The following CDC42BPB variants were observed in gnomAD, a reference collection of about 807,000 sequenced individuals.
CDC42BPB encodes CDC42 binding protein kinase beta.
In CDC42BPB, 37 loss-of-function variants were observed where a neutral mutation model predicts 214.9. The ratio of observed to expected loss-of-function variants is 0.17; its 90% CI spans 0.13 to 0.23. The LOEUF (loss-of-function observed/expected upper bound fraction) is 0.23, where lower values mean the gene tolerates loss of function less well. Ranked by LOEUF, CDC42BPB falls within the 10% of genes least tolerant of loss-of-function variation. The probability of loss-of-function intolerance (pLI) is 1.00; values close to 1 mark genes in which losing one functional copy is unlikely to be tolerated. For synonymous variants in CDC42BPB, 931 were observed against 884.0 expected (o/e 1.05, Z -0.94); for missense variants, 1,694 against 2,227.0 (o/e 0.76, Z 4.82).
intron 1 of CDC42BPB, among the ~76,000 whole-genome samples, chr14:103,037,092 GACTTTT>G (rs552240916): frequency 0.021 from 2,888 of 138,106 alleles, 32 homozygotes; most frequent in African/African-American, 0.028. Context: ...GGCCATCTCA[GACTTTT>G]AGACTTATCA....
In CDC42BPB at chr14:102,964,180, G is replaced by A. The variant is rs191028920; in HGVS notation, c.2726+322C>T. ...GCACGGAGGTGACTAAGCAGTGAGA[G>A]GGGCTCCTGTCAGACAGCGGTGTGA... On this transcript the variant is annotated intron_variant, in intron 19 of 36. Coordinates refer to ENST00000361246, the MANE Select transcript of CDC42BPB (RefSeq NM_006035.4). Among the ~76,000 whole-genome samples the A allele has an allele frequency of 2.7e-4, 41 of 152,360 alleles. 1 individual carries two copies. The East Asian group carries it at 7.5e-3, about 28-fold the overall frequency.
intron 19 of CDC42BPB, among the ~76,000 whole-genome samples, 197 bp downstream of exon 19, chr14:102,964,305 G>C (rs1201511537): frequency 6.6e-6 from 1 of 152,226 alleles, no homozygotes; most frequent in Non-Finnish European, 1.5e-5. Context: ...CTGCACCCTC[G>C]CGGCCACCTC....
intron 36 of CDC42BPB, 150 bp from the exon 37 acceptor site, chr14:102,933,993 C>T (rs922118267): frequency 8.7e-6 from 12 of 1,380,096 alleles, no homozygotes; most frequent in South Asian, 5.3e-5. Context: ...TCTACACCAG[C>T]GATTCGTGGG....
Position 102,943,998 on chromosome 14 carries a change from C to A in CDC42BPB, c.4301G>T (p.Ser1434Ile), listed in dbSNP as rs756382043. The change falls in exon 30 of 37, where the codon AGC becomes ATC. Residue 1434 changes from serine to isoleucine, a missense_variant. Ser to Ile is a moderately radical substitution (Grantham distance 142, BLOSUM62 -2). Transcript: ENST00000361246. This position sits in a 1 kb window ranked among gnomAD's most constrained non-coding sequence, Gnocchi z 4.6. ...GCTGAAGCAAAGCAGGTACTCCTCG[C>A]TTTCGAGCTCCACAGCACAAAGGGC... ...FDALCAVELE[S>I]EEYLLCFSHM... The A allele has an allele frequency of 1.2e-6, 2 of 1,613,342 alleles. No individual in the cohort carries two copies. Among genetic ancestry groups the A allele is most frequent in the Admixed American group, 1.7e-5 (1 of 60,018 alleles).
chr14:102,937,100 C>A (rs1222107279), intron 36 of CDC42BPB: 1 of 152,220 alleles, frequency 6.6e-6, no homozygotes, highest in Non-Finnish European at 1.5e-5. Flanking sequence ...GCAGACGAGA[C>A]AGGCACTGGC....
rs778368325 is a variant in CDC42BPB at position 102,946,687 on chromosome 14, T to C, written c.3532-3A>G. The C allele has an allele frequency of 4.8e-5, 78 of 1,612,376 alleles. No individual in the cohort carries two copies. Among genetic ancestry groups the C allele is most frequent in the Non-Finnish European group, 6.5e-5 (77 of 1,179,846 alleles). ...GCACCTAAGAGAGAGGCCGTCACCT[T>C]CATGACAGGAAACAGAAGAGAAGAG... On this transcript the variant is annotated splice_polypyrimidine_tract_variant and splice_region_variant and intron_variant, in intron 27 of 36. Transcript: ENST00000361246.
At chr14:103,023,130 C>T (rs567896679) in intron 1 of CDC42BPB, among the ~76,000 whole-genome samples, 9 of 151,262 alleles carry the variant, frequency 5.9e-5, no homozygotes, top group Non-Finnish European at 1.3e-4. Context: ...CTCAGTCTCC[C>T]GAGTAGCAGA....
At position 102,975,986 on chromosome 14, in the gene CDC42BPB, C is replaced by T; in HGVS notation, c.1284G>A (p.Glu428=). 1 of 1,614,234 alleles carries T rather than the reference C, an allele frequency of 6.2e-7. No individual in the cohort carries two copies. Among genetic ancestry groups the T allele is most frequent in the South Asian group, 1.1e-5 (1 of 91,090 alleles). ...TGTGCTCCAGGTCCCGCTGCACATC[C>T]TCATCTTTGGTTAATGTGTTGGACT... ...IMQSNTLTKD[E]DVQRDLEHSL... Residue 428 remains glutamate, a synonymous_variant, in exon 10 of 37, where the codon GAG becomes GAA. Coordinates refer to ENST00000361246, the MANE Select transcript of CDC42BPB (RefSeq NM_006035.4).
intron 5 of CDC42BPB, among the ~76,000 whole-genome samples, chr14:102,988,747 A>T (rs1199311366): frequency 1.3e-5 from 2 of 151,818 alleles, no homozygotes; most frequent in Non-Finnish European, 2.9e-5. Flanking sequence ...TAAAATTAGA[A>T]CTCTTCCTTG....
At chr14:103,002,238 T>G (rs911441223) in intron 4 of CDC42BPB, among the ~76,000 whole-genome samples, 1 of 152,032 alleles carries the variant, frequency 6.6e-6, no homozygotes, top group African/African-American at 2.4e-5. Flanking sequence ...AGGTGGCAGG[T>G]GTGCACCGCA....
intron 1 of CDC42BPB, among the ~76,000 whole-genome samples, chr14:103,055,972 T>C (rs1487525786): frequency 6.6e-6 from 1 of 152,262 alleles, no homozygotes; most frequent in East Asian, 1.9e-4. Context: ...TTCCTCCTCC[T>C]ACTCAGTGGT....
rs34191504 is a variant in CDC42BPB at position 103,008,217 on chromosome 14, G to A, written c.351+255C>T. Among the ~76,000 whole-genome samples, 388 of 152,350 alleles carry A rather than the reference G, an allele frequency of 2.5e-3. 1 individual carries two copies. Among genetic ancestry groups the A allele is most frequent in the Non-Finnish European group, 4.4e-3 (302 of 68,040 alleles). On this transcript the variant is annotated intron_variant, in intron 3 of 36. Coordinates refer to ENST00000361246, the MANE Select transcript of CDC42BPB (RefSeq NM_006035.4). ...CCGATGCTTTTTATTTGCCTTTACAGTAAACAGGACCCGCCAACATTCTCG... is the reference window on the plus strand; with the variant it reads ...CCGATGCTTTTTATTTGCCTTTACAATAAACAGGACCCGCCAACATTCTCG...
intron 21 of CDC42BPB, among the ~76,000 whole-genome samples, chr14:102,955,095 A>C (rs907847187): frequency 4.6e-5 from 7 of 152,202 alleles, no homozygotes; most frequent in African/African-American, 1.4e-4. Flanking sequence ...ACCTTTATTC[A>C]TAAGTAATGT....
At chr14:103,021,256 C>A (rs759419043) in intron 1 of CDC42BPB, among the ~76,000 whole-genome samples, 1 of 152,078 alleles carries the variant, frequency 6.6e-6, no homozygotes, top group Non-Finnish European at 1.5e-5. Context: ...GTCAGGAGAT[C>A]GAGACCATCC....
intron 36 of CDC42BPB, among the ~76,000 whole-genome samples, chr14:102,935,709 G>C (rs2139332382): frequency 6.9e-6 from 1 of 144,130 alleles, no homozygotes; most frequent in Non-Finnish European, 1.5e-5. Flanking sequence ...AGAATCACTT[G>C]ATCCCAGGAA....
chr14:103,029,670 C>T (rs948203369), intron 1 of CDC42BPB, among the ~76,000 whole-genome samples: 9 of 151,336 alleles, frequency 5.9e-5, no homozygotes, highest in South Asian at 2.1e-4. Flanking sequence ...TCCTGGCCAA[C>T]ATGGTGAAAC....
chr14:103,037,933 G>A (rs995209245), intron 1 of CDC42BPB, among the ~76,000 whole-genome samples: 2 of 151,938 alleles, frequency 1.3e-5, no homozygotes, highest in Admixed American at 6.6e-5. Context: ...GGAGGCTGAG[G>A]CAGGAGAATG....
intron 5 of CDC42BPB, among the ~76,000 whole-genome samples, chr14:102,988,997 T>C (rs1445811105): frequency 1.3e-5 from 2 of 150,424 alleles, no homozygotes; most frequent in Non-Finnish European, 3.0e-5. Flanking sequence ...ATGAACCACA[T>C]CAAAAAACAA....
At chr14:102,972,388 C>T (rs1232780737) in intron 12 of CDC42BPB, 1 of 937,646 alleles carries the variant, frequency 1.1e-6, no homozygotes, top group Admixed American at 6.2e-5. Flanking sequence ...CAACTGCACA[C>T]CAAGAAAGGC....
Sources: allele counts gnomAD v4.1 joint callset (sites outside exome capture counted in the v4.1 genomes callset), GRCh38; gene constraint gnomAD v4.1.1; non-coding constraint Gnocchi (gnomAD v3.1); transcripts MANE v1.5; gene names NCBI Gene and HGNC (gene_info 2026-07-23, HGNC 2026-07-21).